The following RANBP2 variants were observed in gnomAD, a reference collection of about 807,000 sequenced individuals.
RANBP2 encodes E3 SUMO-protein ligase RanBP2.
Under a neutral mutation model 303.6 loss-of-function variants are expected in RANBP2, and 57 were observed. The observed-to-expected ratio is 0.19, with a 90% CI of 0.15 to 0.23. RANBP2 has a LOEUF of 0.23. Ranked by LOEUF, RANBP2 falls within the 10% of genes least tolerant of loss-of-function variation. The pLI, the probability that RANBP2 is intolerant of heterozygous loss-of-function variation, is 1.00. For synonymous variants in RANBP2, 1,167 were observed against 1,301.5 expected (o/e 0.90, Z 2.23); for missense variants, 3,138 against 3,780.8 (o/e 0.83, Z 4.46).
the RANBP2 span, among the ~76,000 whole-genome samples, chr2:108,920,536 C>T: frequency 5.9e-5 from 9 of 152,088 alleles, no homozygotes; most frequent in Admixed American, 1.3e-4. Context: ...CTCTTTTCAC[C>T]GGGCTACAGG....
chr2:109,251,249 C>T, the RANBP2 span, among the ~76,000 whole-genome samples: 33 of 152,204 alleles, frequency 2.2e-4, no homozygotes, highest in Admixed American at 3.9e-4. Context: ...GTTATCCACC[C>T]GCCTCAGCCT....
At chr2:109,489,770 C>T in the RANBP2 span, among the ~76,000 whole-genome samples, 1 of 151,986 alleles carries the variant, frequency 6.6e-6, no homozygotes, top group South Asian at 2.1e-4. Flanking sequence ...CGGAGTCTCG[C>T]TCTGTCACCC....
At chr2:109,538,611 C>G in the RANBP2 span, among the ~76,000 whole-genome samples, 1 of 152,218 alleles carries the variant, frequency 6.6e-6, no homozygotes, top group African/African-American at 2.4e-5. Flanking sequence ...CCTCTGCCTC[C>G]CAGGTTCAAG....
At chr2:108,968,008 T>C in the RANBP2 span, among the ~76,000 whole-genome samples, 2 of 152,088 alleles carry the variant, frequency 1.3e-5, no homozygotes, top group African/African-American at 2.4e-5. Context: ...GGAGAGATCA[T>C]AGAGAGATGT....
At chr2:109,346,947 G>A in the RANBP2 span, among the ~76,000 whole-genome samples, 2 of 152,116 alleles carry the variant, frequency 1.3e-5, no homozygotes, top group African/African-American at 4.8e-5. Flanking sequence ...TGATGGCCGG[G>A]GACTGCTTGT....
chr2:109,481,867 A>G, the RANBP2 span, among the ~76,000 whole-genome samples: 2 of 152,098 alleles, frequency 1.3e-5, no homozygotes, highest in African/African-American at 2.4e-5. Context: ...TTGATGAGCA[A>G]TTGGCCAAGT....
chr2:109,447,616 G>A, the RANBP2 span, among the ~76,000 whole-genome samples: 7 of 152,054 alleles, frequency 4.6e-5, no homozygotes, highest in African/African-American at 1.4e-4. Flanking sequence ...CTCAGCCCAG[G>A]TCTCCACTTG....
At chr2:109,681,007 C>T in the RANBP2 span, among the ~76,000 whole-genome samples, 12 of 152,148 alleles carry the variant, frequency 7.9e-5, no homozygotes, top group Admixed American at 4.6e-4. Flanking sequence ...TACAAGAATA[C>T]GATTTGTAAA....
rs184537719 is a variant in RANBP2 at position 108,723,812 on chromosome 2, C to T, written c.72+4134C>T. On this transcript the variant is annotated intron_variant, in intron 1 of 28. Coordinates refer to ENST00000283195, the MANE Select transcript of RANBP2 (RefSeq NM_006267.5). The stretch of plus-strand genomic sequence containing the variant: ...GGTTTGCTTGTATGTTGTGTTACTA[C>T]TTGCTTACTTAAACTCAGCAATTTA... Among the ~76,000 whole-genome samples the T allele has an allele frequency of 3.7e-4, 57 of 152,232 alleles. 1 individual carries two copies. Among genetic ancestry groups the T allele is most frequent in the Admixed American group, 3.3e-3 (51 of 15,286 alleles).
chr2:109,614,128 G>A, the RANBP2 span: 23 of 1,205,464 alleles, frequency 1.9e-5, no homozygotes, highest in Admixed American at 8.8e-5. Flanking sequence ...AAGGAGAGCT[G>A]GGACTCCAGG....
the RANBP2 span, among the ~76,000 whole-genome samples, chr2:108,899,934 C>T: frequency 1.3e-5 from 2 of 151,864 alleles, no homozygotes; most frequent in Admixed American, 6.6e-5. Context: ...TGCAGTGAGC[C>T]GAGATCGTGT....
At chr2:109,464,590 T>C in the RANBP2 span, among the ~76,000 whole-genome samples, 1 of 152,062 alleles carries the variant, frequency 6.6e-6, no homozygotes, top group Non-Finnish European at 1.5e-5. Flanking sequence ...CACAATCGAT[T>C]TCCTCTTCTA....
chr2:109,508,614 GT>G, the RANBP2 span, among the ~76,000 whole-genome samples: 2 of 151,712 alleles, frequency 1.3e-5, no homozygotes, highest in Non-Finnish European at 2.9e-5. Context: ...AAAAAGTAAC[GT>G]TCTGTAATGT....
At chr2:109,119,603 T>C in the RANBP2 span, among the ~76,000 whole-genome samples, 1 of 152,244 alleles carries the variant, frequency 6.6e-6, no homozygotes, top group Non-Finnish European at 1.5e-5. Flanking sequence ...AAATGTATTA[T>C]CAATGCAGTG....
At chr2:109,376,370 C>T in the RANBP2 span, among the ~76,000 whole-genome samples, 1 of 152,140 alleles carries the variant, frequency 6.6e-6, no homozygotes, top group Non-Finnish European at 1.5e-5. Flanking sequence ...GGAATCAGCT[C>T]GGGTTGGAGA....
At chr2:109,351,887 G>GT in the RANBP2 span, among the ~76,000 whole-genome samples, 1 of 152,232 alleles carries the variant, frequency 6.6e-6, no homozygotes, top group African/African-American at 2.4e-5. Context: ...GCTGCTGAAT[G>GT]TTTAATCATT....
chr2:109,024,279 A>G, the RANBP2 span, among the ~76,000 whole-genome samples: 1 of 152,222 alleles, frequency 6.6e-6, no homozygotes, highest in African/African-American at 2.4e-5. Flanking sequence ...AAGATAAGCT[A>G]GATGTTATCA....
the RANBP2 span, among the ~76,000 whole-genome samples, chr2:109,012,640 C>G: frequency 6.6e-6 from 1 of 152,126 alleles, no homozygotes; most frequent in Non-Finnish European, 1.5e-5. Context: ...TTCGGCCAGG[C>G]GCGGTGGCTC....
At chr2:108,993,908 C>A in the RANBP2 span, among the ~76,000 whole-genome samples, 1 of 152,150 alleles carries the variant, frequency 6.6e-6, no homozygotes, top group South Asian at 2.1e-4. Flanking sequence ...AGGTGCCCAG[C>A]AGACCCAGTG....
Sources: allele counts gnomAD v4.1 joint callset (sites outside exome capture counted in the v4.1 genomes callset), GRCh38; gene constraint gnomAD v4.1.1; transcripts MANE v1.5; gene names NCBI Gene and HGNC (gene_info 2026-07-23, HGNC 2026-07-21).